MPI: variants seen among roughly 807,000 people sequenced by gnomAD.
MPI encodes mannose phosphate isomerase.
Under a neutral mutation model 40.1 loss-of-function variants are expected in MPI, and 33 were observed. The observed-to-expected ratio is 0.82, with a 90% CI of 0.62 to 1.10. The LOEUF (loss-of-function observed/expected upper bound fraction) is 1.10, where lower values mean the gene tolerates loss of function less well. MPI is among the 50% of genes least tolerant of loss of function. The pLI is 0.00. For missense variants in MPI, 514 were observed against 524.1 expected (o/e 0.98, Z 0.19); for synonymous variants, 187 against 207.4 (o/e 0.90, Z 0.85).
chr15:74,892,688 G>A lies in MPI; in HGVS notation c.373G>A (p.Ala125Thr). The stretch of plus-strand genomic sequence containing the variant: ...GCTGGCAGAGAAGCTGCACCTCCAG[G>A]CTCCGCAGCACTACCCCGATGCCAA... Reference protein sequence around the residue: ...KELAEKLHLQAPQHYPDANHK... With the variant: ...KELAEKLHLQTPQHYPDANHK... The change falls in exon 4 of 8, where the codon GCT becomes ACT. Residue 125 changes from alanine (A) to threonine (T), a missense_variant. Coordinates refer to ENST00000352410, the MANE Select transcript of MPI (RefSeq NM_002435.3). 6.2e-7 allele frequency: 1 copy of A among 1,614,232 alleles called. No individual in the cohort carries two copies. The highest frequency in any genetic ancestry group is 8.5e-7 in the Non-Finnish European group (1 of 1,180,046).
At chr15:74,894,731 G>A (rs1170159537) in intron 5 of MPI, among the ~76,000 whole-genome samples, 1 of 150,144 alleles carries the variant, frequency 6.7e-6, no homozygotes, top group South Asian at 2.1e-4. Flanking sequence ...AGGTTGCAGT[G>A]AGTCTAGATT....
intron 3 of MPI, among the ~76,000 whole-genome samples, chr15:74,892,228 G>A (rs909511732): frequency 6.6e-6 from 1 of 152,104 alleles, no homozygotes; most frequent in Non-Finnish European, 1.5e-5. Flanking sequence ...TCCTGCCCTC[G>A]TAATCCGCTC....
chr15:74,897,249 C>T (rs779566096), intron 7 of MPI, 30 bp downstream of exon 7: 12 of 1,607,278 alleles, frequency 7.5e-6, no homozygotes, highest in African/African-American at 6.7e-5. Context: ...GGGTGTCCTT[C>T]GTGTGCCATG....
Position 74,902,183 on chromosome 15 carries a change from T to C in MPI, c.*4453T>C, listed in dbSNP as rs2064987902. ...TCGAACTGGTCTCAAACAGTTTCTT[T>C]TTTGGATTGCCAGCTATAATAAACC... On this transcript the variant is annotated 3_prime_UTR_variant, in exon 8 of 8. Coordinates refer to ENST00000352410, the MANE Select transcript of MPI (RefSeq NM_002435.3). 5.0e-6 allele frequency: 2 copies of C among 398,752 alleles called. No individual in the cohort carries two copies. Among genetic ancestry groups the C allele is most frequent in the South Asian group, 2.5e-4 (2 of 7,898 alleles). 24.7% of individuals were successfully genotyped at this position (398,752 alleles called of 1,614,324 possible).
chr15:74,890,782 G>A, intron 2 of MPI, 128 bp downstream of exon 2: 1 of 1,236,968 alleles, frequency 8.1e-7, no homozygotes, highest in South Asian at 1.2e-5. Flanking sequence ...GGCTCTTCAG[G>A]CTAATGGACT....
Position 74,897,668 on chromosome 15 carries a change from G to A in MPI, c.1210G>A (p.Val404Ile). 6.2e-7 allele frequency: 1 copy of A among 1,614,190 alleles called. No homozygotes were observed. Among genetic ancestry groups the A allele is most frequent in the Admixed American group, 1.7e-5 (1 of 60,018 alleles). ...GCTCTTCATTGGGGCCAATGAGAGT[G>A]TCTCACTGAAGCTTACTGAGCCGAA... ...GVLFIGANES[V>I]SLKLTEPKDL... Residue 404 changes from valine to isoleucine, a missense_variant, in exon 8 of 8, where the codon GTC (valine) becomes ATC (isoleucine). Coordinates refer to ENST00000352410, the MANE Select transcript of MPI (RefSeq NM_002435.3).
chr15:74,896,478 G>C (rs2064820422), intron 6 of MPI, 153 bp downstream of exon 6: 6 of 815,360 alleles, frequency 7.4e-6, no homozygotes, highest in Non-Finnish European at 1.2e-5. Flanking sequence ...AGCAACAGCT[G>C]GTAGGGATGA....
At position 74,897,187 on chromosome 15, in the gene MPI, C is replaced by T; in HGVS notation, c.1021C>T (p.Pro341Ser). 1 of 1,614,176 alleles carries T rather than the reference C, an allele frequency of 6.2e-7. No homozygotes were observed. Among genetic ancestry groups the T allele is most frequent in the Non-Finnish European group, 8.5e-7 (1 of 1,180,024 alleles). The change falls in exon 7 of 8, where the codon CCT becomes TCT. Residue 341 changes from proline (P) to serine (S), a missense_variant. Pro to Ser is a moderately conservative substitution (Grantham distance 74). Transcript: ENST00000352410. ...CCCCTACCTCTCAATCTATGACCCCCCTGTACCAGACTTCACCATTATGAA... is the reference window on the plus strand; with the variant it reads ...CCCCTACCTCTCAATCTATGACCCCTCTGTACCAGACTTCACCATTATGAA... ...EDPYLSIYDP[P>S]VPDFTIMKTE...
chr15:74,891,592 G>A lies in MPI; in HGVS notation c.345+13G>A, dbSNP rs2064727606. Reference sequence around the variant, plus strand: ...ACACCCTAACAAGGTAAAGGACAGAGTGCGGTGCAGAGGTCAGGGTACAGA... The same window carrying A: ...ACACCCTAACAAGGTAAAGGACAGAATGCGGTGCAGAGGTCAGGGTACAGA... On this transcript the variant is annotated intron_variant, in intron 3 of 7. Transcript: ENST00000352410. 2 of 1,613,708 alleles carry A rather than the reference G, an allele frequency of 1.2e-6. No individual in the cohort carries two copies. Among genetic ancestry groups the A allele is most frequent in the African/African-American group, 2.7e-5 (2 of 75,058 alleles).
chr15:74,892,833 T>C, intron 4 of MPI, 31 bp downstream of exon 4: 5 of 1,614,170 alleles, frequency 3.1e-6, no homozygotes, highest in Non-Finnish European at 4.2e-6. Context: ...AAGGCATGCG[T>C]ACTGGGCCAG....
chr15:74,892,222 G>A (rs1024659222), intron 3 of MPI, among the ~76,000 whole-genome samples: 1 of 152,146 alleles, frequency 6.6e-6, no homozygotes, highest in Admixed American at 6.5e-5. Context: ...TTGAACTCCT[G>A]CCCTCGTAAT....
intron 5 of MPI, 150 bp from the exon 6 acceptor site, chr15:74,896,002 G>A: frequency 1.3e-6 from 1 of 792,766 alleles, no homozygotes; most frequent in South Asian, 1.5e-5. Context: ...GACCCCCAAA[G>A]GGCTGGAGGC....
intron 6 of MPI, 62 bp from the exon 7 acceptor site, chr15:74,896,949 G>A (rs2064827055): frequency 7.2e-6 from 11 of 1,519,102 alleles, no homozygotes; most frequent in Non-Finnish European, 1.0e-5. Flanking sequence ...AGGTTAGGAG[G>A]CCCAGAACTG....
At chr15:74,892,201 C>T (rs533829318) in intron 3 of MPI, among the ~76,000 whole-genome samples, 2 of 152,294 alleles carry the variant, frequency 1.3e-5, no homozygotes, top group African/African-American at 2.4e-5. Context: ...ACCATGTTGG[C>T]CAGGCTGGTC....
rs143982014 is a variant in MPI, at chr15:74,890,083, C to T, written c.10C>T (p.Pro4Ser). The T allele has an allele frequency of 1.4e-3, 2,262 of 1,607,936 alleles. 13 individuals carry two copies. In the Middle Eastern group the frequency reaches 0.023, roughly 17 times the overall value. The stretch of plus-strand genomic sequence containing the variant: ...GGTGCAGGGGGCGAGCATGGCCGCT[C>T]CGCGAGGTGAGCCATTGGCTGGGGT... The part of the protein sequence containing the change: MAA[P>S]RVFPLSCAVQ... Residue 4 changes from proline (P) to serine (S), a missense_variant, in exon 1 of 8, where the codon CCG (proline) becomes TCG (serine). Physicochemically the swap from Pro to Ser is moderately conservative, Grantham distance 74. Transcript: ENST00000352410.
rs1284562996 is a variant in MPI, at chr15:74,898,273, A to C, written c.*543A>C. 1.0e-5 allele frequency: 2 copies of C among 195,812 alleles called. No homozygotes were observed. Among genetic ancestry groups the C allele is most frequent in the Non-Finnish European group, 2.2e-5 (2 of 92,848 alleles). The allele number at this position is 195,812 out of a possible 1,614,324, so 12.1% of individuals were successfully genotyped here. ...TCAGCCTTTGGGGTACCTGTTCCTA[A>C]AGTGGGCCAAAAGAGCCCTCCCTAC... On this transcript the variant is annotated 3_prime_UTR_variant, in exon 8 of 8. Transcript: ENST00000352410.
At position 74,890,646 on chromosome 15, in the gene MPI, T is replaced by C. The variant is rs1246142183; in HGVS notation, c.136T>C (p.Tyr46His). 1 of 1,613,838 alleles carries C rather than the reference T, an allele frequency of 6.2e-7. No homozygotes were observed. The highest frequency in any genetic ancestry group is 8.5e-7 in the Non-Finnish European group (1 of 1,180,014). ...GGCCCAGATCGCAGAGGACAAGCCT[T>C]ATGCAGAGGTGAGCCCCGGGCTGTA... Reference protein sequence around the residue: ...PLAQIAEDKPYAELWMGTHPR... With the variant: ...PLAQIAEDKPHAELWMGTHPR... Residue 46 changes from tyrosine to histidine, a missense_variant, in exon 2 of 8, where the codon TAT (tyrosine) becomes CAT (histidine). Physicochemically the swap from Tyr to His is moderately conservative, Grantham distance 83. Coordinates refer to ENST00000352410, the MANE Select transcript of MPI (RefSeq NM_002435.3).
chr15:74,892,528 C>G, intron 3 of MPI, 133 bp from the exon 4 acceptor site: 1 of 1,345,750 alleles, frequency 7.4e-7, no homozygotes, highest in Non-Finnish European at 1.0e-6. Flanking sequence ...GACTGGGCTC[C>G]TTGCCAGAGG....
rs2064840019 is a variant in MPI at position 74,897,527 on chromosome 15, A to G, written c.1069A>G (p.Thr357Ala). The change falls in exon 8 of 8, where the codon ACT (threonine) becomes GCT (alanine). Residue 357 changes from threonine (T) to alanine (A), a missense_variant. Transcript: ENST00000352410. ...TCCTGCCCAGGTCCCTGGCTCTGTCACTGAATACAAGGTCTTGGCACTGGA... is the reference window on the plus strand; with the variant it reads ...TCCTGCCCAGGTCCCTGGCTCTGTCGCTGAATACAAGGTCTTGGCACTGGA... ...IMKTEVPGSV[T>A]EYKVLALDSA... 6.2e-7 allele frequency: 1 copy of G among 1,613,976 alleles called. No individual in the cohort carries two copies.
Sources: allele counts gnomAD v4.1 joint callset (sites outside exome capture counted in the v4.1 genomes callset), GRCh38; gene constraint gnomAD v4.1.1; transcripts MANE v1.5; gene names NCBI Gene and HGNC (gene_info 2026-07-23, HGNC 2026-07-21).